FARP2: variants seen among roughly 807,000 people sequenced by gnomAD.
FARP2 encodes the protein FERM, ARHGEF and pleckstrin domain-containing protein 2.
FARP2 carries 111 observed loss-of-function variants against 130.5 expected under a neutral mutation model. That is an observed-to-expected ratio of 0.85 (90% CI 0.73 to 1.00). FARP2 has a LOEUF of 1.00. Among genes scored for constraint, FARP2 ranks in the 50% least tolerant of loss-of-function variants. The pLI is 0.00. For synonymous variants in FARP2, 504 were observed against 516.9 expected (o/e 0.98, Z 0.34); for missense variants, 1,385 against 1,346.3 (o/e 1.03, Z -0.45).
chr2:241,425,634 TAAAAAAAAAAAAAA>T (rs1167925220), intron 8 of FARP2, among the ~76,000 whole-genome samples: 7 of 45,956 alleles, frequency 1.5e-4, no homozygotes, highest in Non-Finnish European at 2.0e-4. Flanking sequence ...TCCTACCAAG[TAAAAAAAAAAAAAA>T]AAAAAAAAAA....
At chr2:241,463,053 T>G (rs2064067673) in intron 15 of FARP2, among the ~76,000 whole-genome samples, 1 of 152,242 alleles carries the variant, frequency 6.6e-6, no homozygotes, top group African/African-American at 2.4e-5. Context: ...TATATCTGTT[T>G]TAAAACTATT....
chr2:241,459,216 C>G lies in FARP2; in HGVS notation c.1587+2294C>G, dbSNP rs2063947215. Among the ~76,000 whole-genome samples, 1 of 152,216 alleles carries G rather than the reference C, an allele frequency of 6.6e-6. No homozygotes were observed. Among genetic ancestry groups the G allele is most frequent in the Non-Finnish European group, 1.5e-5 (1 of 68,034 alleles). Reference sequence around the variant, plus strand: ...CAGAGGTAGGTTCCCACCAGAGTACCCCTCTGTGCTGACCTCATGAACCAG... The same window carrying G: ...CAGAGGTAGGTTCCCACCAGAGTACGCCTCTGTGCTGACCTCATGAACCAG... On this transcript the variant is annotated intron_variant, in intron 14 of 26. Coordinates refer to ENST00000264042, the MANE Select transcript of FARP2 (RefSeq NM_014808.4). This position sits in a 1 kb window ranked among gnomAD's most constrained non-coding sequence, Gnocchi z 5.3.
At chr2:241,491,423 C>T (rs2124914851) in intron 23 of FARP2, 93 bp from the exon 24 acceptor site, 1 of 1,410,960 alleles carries the variant, frequency 7.1e-7, no homozygotes, top group Non-Finnish European at 9.7e-7. Flanking sequence ...CCCCATTTCC[C>T]CAGGACCCCC....
chr2:241,402,695 C>CT lies in FARP2; in HGVS notation c.184-1131dup, dbSNP rs2062201148. ...CTTCTTCTGTTTTTTGAAACAGGGT[C>CT]TTACTCTGTCACCCAAGGTGGAATG... On this transcript the variant is annotated intron_variant, in intron 2 of 26. Transcript: ENST00000264042. Among the ~76,000 whole-genome samples the CT allele has an allele frequency of 2.0e-5, 3 of 150,128 alleles. No homozygotes were observed. In the South Asian group the frequency reaches 6.3e-4, roughly 32 times the overall value.
At position 241,494,515 on chromosome 2, in the gene FARP2, TG is replaced by T. The variant is rs2065050549; in HGVS notation, c.*392del. 1 of 158,106 alleles carries T rather than the reference TG, an allele frequency of 6.3e-6. No individual in the cohort carries two copies. The highest frequency in any genetic ancestry group is 2.0e-4 in the South Asian group (1 of 4,884). The allele number at this position is 158,106 out of a possible 1,614,324, so 9.8% of individuals were successfully genotyped here. A position where few individuals can be genotyped will look rare whatever the true frequency, so the allele number is the denominator to read the frequency against. On this transcript the variant is annotated 3_prime_UTR_variant, in exon 27 of 27. Transcript: ENST00000264042. The surrounding 1 kb of genome is among the most constrained non-coding windows in gnomAD (Gnocchi z 4.9). Reference sequence around the variant, plus strand: ...CCGAGGACTGGCCTAGAGCAAGCACTGGAAAAGAGGCCCTGCCATACACCCT... The same window carrying T: ...CCGAGGACTGGCCTAGAGCAAGCACTGAAAAGAGGCCCTGCCATACACCCT...
intron 7 of FARP2, among the ~76,000 whole-genome samples, chr2:241,414,374 C>T (rs2062608701): frequency 6.6e-6 from 1 of 152,178 alleles, no homozygotes; most frequent in Non-Finnish European, 1.5e-5. Flanking sequence ...GAAAGTGAGT[C>T]AGGAGGACTT....
At chr2:241,369,164 C>A (rs2061374591) in intron 1 of FARP2, among the ~76,000 whole-genome samples, 1 of 151,994 alleles carries the variant, frequency 6.6e-6, no homozygotes, top group East Asian at 1.9e-4. Flanking sequence ...CTCTGTGAGC[C>A]ACATATTTGA....
intron 11 of FARP2, among the ~76,000 whole-genome samples, chr2:241,435,510 ATTTT>A (rs374376821): frequency 7.4e-6 from 1 of 134,530 alleles, no homozygotes; most frequent in African/African-American, 2.7e-5. Context: ...TGGATTTGTA[ATTTT>A]TTTTTTTTTT....
rs757503034 is a variant in FARP2, at chr2:241,373,308, T to G, written c.183+18T>G. On this transcript the variant is annotated intron_variant, in intron 2 of 26. Transcript: ENST00000264042. ...ACATTGAGGTAAGAAGCATGATTTT[T>G]GGAGGCATATTTCCTTATATCTTCT... 1 of 1,373,894 alleles carries G rather than the reference T, an allele frequency of 7.3e-7. No homozygotes were observed. Among genetic ancestry groups the G allele is most frequent in the East Asian group, 2.7e-5 (1 of 36,988 alleles). 85.1% of individuals were successfully genotyped at this position (1,373,894 alleles called of 1,614,324 possible). A position where few individuals can be genotyped will look rare whatever the true frequency, so the allele number is the denominator to read the frequency against.
chr2:241,470,972 G>C (rs2064289875), intron 18 of FARP2, among the ~76,000 whole-genome samples: 1 of 151,650 alleles, frequency 6.6e-6, no homozygotes, highest in African/African-American at 2.4e-5. Flanking sequence ...CTTATGTGAG[G>C]GGAATGTTAT....
At chr2:241,478,193 G>A (rs185539615) in intron 19 of FARP2, 150 of 153,958 alleles carry the variant, frequency 9.7e-4, no homozygotes, top group Non-Finnish European at 1.0e-3. Context: ...CCAGCTACTC[G>A]GGAGGCTAAG....
At chr2:241,358,535 T>C (rs896227234) in intron 1 of FARP2, among the ~76,000 whole-genome samples, 2 of 152,258 alleles carry the variant, frequency 1.3e-5, no homozygotes, top group Non-Finnish European at 2.9e-5. Flanking sequence ...ATACCTCTTC[T>C]ATATTCGGAC....
intron 2 of FARP2, chr2:241,395,593 A>C (rs1483860028): frequency 6.6e-6 from 1 of 152,168 alleles, no homozygotes; most frequent in Non-Finnish European, 1.5e-5. Flanking sequence ...CCTGCATTGT[A>C]CCTCACACAC....
At chr2:241,406,595 C>T (rs954971813) in intron 4 of FARP2, among the ~76,000 whole-genome samples, 5 of 150,792 alleles carry the variant, frequency 3.3e-5, no homozygotes, top group African/African-American at 1.2e-4. Context: ...TTCAGGCATG[C>T]GCCACCATAT....
intron 17 of FARP2, among the ~76,000 whole-genome samples, chr2:241,465,228 T>G (rs2064137601): frequency 6.6e-6 from 1 of 152,092 alleles, no homozygotes; most frequent in Non-Finnish European, 1.5e-5. Flanking sequence ...CCCAGAACAT[T>G]GTCCTCCTCA....
intron 8 of FARP2, among the ~76,000 whole-genome samples, chr2:241,421,123 C>A (rs2062795934): frequency 6.6e-6 from 1 of 152,160 alleles, no homozygotes; most frequent in South Asian, 2.1e-4. Context: ...AGTGACTGTG[C>A]AACCTCACCC....
chr2:241,366,113 A>ATATATATG (rs2061305949), intron 1 of FARP2, among the ~76,000 whole-genome samples: 1 of 39,818 alleles, frequency 2.5e-5, no homozygotes, highest in Non-Finnish European at 5.4e-5. Flanking sequence ...AAATATATAT[A>ATATATATG]TATATATACG....
At position 241,493,363 on chromosome 2, in the gene FARP2, T is replaced by C; in HGVS notation, c.2966T>C (p.Ile989Thr). Residue 989 changes from isoleucine (I) to threonine (T), a missense_variant, in exon 26 of 27, where the codon ATA (isoleucine) becomes ACA (threonine). Physicochemically the swap from Ile to Thr is moderately conservative, Grantham distance 89. Transcript: ENST00000264042. ...SVSIPREADG[I>T]HKDYVFKLQF... is the part of the protein sequence containing the mutation. ...AGCATCCCCAGGGAGGCCGATGGCA[T>C]ACACAAAGACTATGTTTTCAAGCTC... 1 of 1,614,030 alleles carries C rather than the reference T, an allele frequency of 6.2e-7. No individual in the cohort carries two copies. Among genetic ancestry groups the C allele is most frequent in the Non-Finnish European group, 8.5e-7 (1 of 1,179,986 alleles).
intron 2 of FARP2, among the ~76,000 whole-genome samples, chr2:241,395,220 G>A (rs548311000): frequency 3.9e-5 from 6 of 152,328 alleles, no homozygotes; most frequent in African/African-American, 1.4e-4. Flanking sequence ...CAAAGGGCCT[G>A]GAGAATATCT....
Sources: gnomAD v4.1 joint callset for allele counts (sites outside exome capture counted in the v4.1 genomes callset) on GRCh38, gnomAD v4.1.1 for gene constraint, Gnocchi (gnomAD v3.1) non-coding constraint, MANE v1.5 for transcripts, NCBI Gene and HGNC (gene_info 2026-07-23, HGNC 2026-07-21) for gene names.